The following ANK1 variants were observed in gnomAD, a reference collection of about 807,000 sequenced individuals.
ANK1 encodes ankyrin 1.
ANK1 carries 51 observed loss-of-function variants against 210.4 expected under a neutral mutation model. That is an observed-to-expected ratio of 0.24 (90% confidence interval 0.19 to 0.31). The LOEUF is 0.31. Among genes scored for constraint, ANK1 ranks in the 10% least tolerant of loss-of-function variants. ANK1 has a pLI of 1.00. For missense variants in ANK1, 2,051 were observed against 2,504.4 expected (o/e 0.82, Z 3.86); for synonymous variants, 967 against 1,025.9 (o/e 0.94, Z 1.10).
At chr8:41,761,165 G>A (rs375102107) in intron 1 of ANK1, among the ~76,000 whole-genome samples, 6 of 134,350 alleles carry the variant, frequency 4.5e-5, no homozygotes, top group Non-Finnish European at 9.7e-5. Context: ...ATATGTGTAT[G>A]CACACATGCA....
intron 1 of ANK1, among the ~76,000 whole-genome samples, chr8:41,843,916 C>T (rs1375070558): frequency 6.6e-6 from 1 of 152,202 alleles, no homozygotes; most frequent in Non-Finnish European, 1.5e-5. Flanking sequence ...GCTCTGTCAC[C>T]CAGGCTAAAG....
At chr8:41,660,687 G>A (rs938604224) in intron 42 of ANK1, among the ~76,000 whole-genome samples, 1 of 152,130 alleles carries the variant, frequency 6.6e-6, no homozygotes, top group African/African-American at 2.4e-5. Context: ...CCCAGGCCCC[G>A]GCCCCAACCC....
chr8:41,681,393 C>T (rs1313645125), intron 37 of ANK1, among the ~76,000 whole-genome samples: 3 of 152,218 alleles, frequency 2.0e-5, no homozygotes, highest in East Asian at 1.9e-4. Flanking sequence ...GGGCCTGGGC[C>T]GTCCTCTCCT....
In ANK1 at chr8:41,694,237, A is replaced by C. The variant is rs546447273; in HGVS notation, c.3328-135T>G. ...CCTGCTGTTGGACCACAGAACCGAC[A>C]CGGTGGAGCTTGCCTTCCTGAGCCC... is the stretch of plus-strand genomic sequence containing the variant. On this transcript the variant is annotated intron_variant, in intron 28 of 42. Coordinates refer to ENST00000289734, the MANE Select transcript of ANK1 (RefSeq NM_000037.4). This position sits in a 1 kb window ranked among gnomAD's most constrained non-coding sequence, Gnocchi z 5.7. 5.1e-5 allele frequency: 49 copies of C among 956,990 alleles called. No homozygotes were observed. The highest frequency in any genetic ancestry group is 7.0e-5 in the Non-Finnish European group (45 of 646,666). The allele number at this position is 956,990 out of a possible 1,614,324, so 59.3% of individuals were successfully genotyped here.
chr8:41,704,219 T>C lies in ANK1; in HGVS notation c.2197-80A>G. 1 of 1,406,580 alleles carries C rather than the reference T, an allele frequency of 7.1e-7. No homozygotes were observed. Among genetic ancestry groups the C allele is most frequent in the Non-Finnish European group, 1.0e-6 (1 of 993,254 alleles). The allele number at this position is 1,406,580 out of a possible 1,614,324, so 87.1% of individuals were successfully genotyped here. A position where few individuals can be genotyped will look rare whatever the true frequency, so the allele number is the denominator to read the frequency against. On this transcript the variant is annotated intron_variant, in intron 19 of 42. Coordinates refer to ENST00000289734, the MANE Select transcript of ANK1 (RefSeq NM_000037.4). The surrounding 1 kb of genome is among the most constrained non-coding windows in gnomAD (Gnocchi z 4.1). ...GCCTACACATGATAGTGCCTGCCCA[T>C]CTTCGAAGTGGGACATTAATGAAAT...
chr8:41,852,344 G>A (rs1013272197), intron 1 of ANK1, among the ~76,000 whole-genome samples: 3 of 152,226 alleles, frequency 2.0e-5, no homozygotes, highest in South Asian at 2.1e-4. Flanking sequence ...CATGCGGGCC[G>A]AAGCGGGGTG....
chr8:41,833,438 T>G (rs920337181), intron 1 of ANK1, among the ~76,000 whole-genome samples: 3 of 152,232 alleles, frequency 2.0e-5, no homozygotes, highest in Admixed American at 6.5e-5. Context: ...AGGAAAAATC[T>G]GTCCAGAATT....
chr8:41,831,836 G>A (rs1014417992), intron 1 of ANK1, among the ~76,000 whole-genome samples: 2 of 152,178 alleles, frequency 1.3e-5, no homozygotes, highest in African/African-American at 4.8e-5. Context: ...GCAGCACCTC[G>A]TACAGTGGAG....
Position 41,723,212 on chromosome 8 carries a change from T to G in ANK1, c.822A>C (p.Thr274=). 1 of 1,613,810 alleles carries G rather than the reference T, an allele frequency of 6.2e-7. No individual in the cohort carries two copies. The highest frequency in any genetic ancestry group is 8.5e-7 in the Non-Finnish European group (1 of 1,179,964). The change falls in exon 9 of 43, where the codon ACA becomes ACC. Residue 274 remains threonine (T), a synonymous_variant. Coordinates refer to ENST00000289734, the MANE Select transcript of ANK1 (RefSeq NM_000037.4). ...QIETKTKDEL[T]PLHCAARNGH... is the part of the protein sequence containing the mutation. The stretch of plus-strand genomic sequence containing the variant: ...CATTTCGAGCTGCACAGTGGAGAGG[T>G]GTCAATTCGTCCTTTAAAAGACAGA...
intron 22 of ANK1, chr8:41,700,316 T>A (rs967437456): frequency 4.2e-6 from 5 of 1,202,930 alleles, no homozygotes; most frequent in Non-Finnish European, 6.0e-6. Context: ...GGCTCCAGCT[T>A]ATTAGCTGTC....
rs145514087 is a variant in ANK1, at chr8:41,690,795, G to A, written c.3859-196C>T. Among the ~76,000 whole-genome samples, 576 of 152,326 alleles carry A rather than the reference G, an allele frequency of 3.8e-3. 3 individuals are homozygous for A. Among genetic ancestry groups the A allele is most frequent in the African/African-American group, 0.013 (552 of 41,556 alleles). The stretch of plus-strand genomic sequence containing the variant: ...TTGTGATCAATGAGGCATGCTTCCC[G>A]ACTTCAACAGATTTTGTAATATGTA... On this transcript the variant is annotated intron_variant, in intron 31 of 42. Coordinates refer to ENST00000289734, the MANE Select transcript of ANK1 (RefSeq NM_000037.4).
At position 41,715,637 on chromosome 8, in the gene ANK1, G is replaced by A; in HGVS notation, c.1602+15C>T. 6.2e-7 allele frequency: 1 copy of A among 1,612,456 alleles called. No homozygotes were observed. The highest frequency in any genetic ancestry group is 2.2e-5 in the East Asian group (1 of 44,884). On this transcript the variant is annotated intron_variant, in intron 14 of 42. Transcript: ENST00000289734. ...AGCCTGTTGCTTCCTTAGACCACGA[G>A]GCGGGAGGCTGTACCTTGGTCATGC...
rs543628266 is a variant in ANK1 at position 41,894,203 on chromosome 8, A to G, written c.126+2152T>C. On this transcript the variant is annotated intron_variant, in intron 1 of 42. Coordinates refer to the ANK1 transcript ENST00000265709. ...AGTCCTAAGAGTATGCGTCACTGCT[A>G]TCACTTTAAATGAAAATTTTCTTAT... Among the ~76,000 whole-genome samples, 104 of 152,232 alleles carry G rather than the reference A, an allele frequency of 6.8e-4. 1 individual carries two copies. The South Asian group carries it at 8.9e-3, about 13-fold the overall frequency.
chr8:41,759,098 T>C (rs1003373351), intron 1 of ANK1, among the ~76,000 whole-genome samples: 1 of 152,134 alleles, frequency 6.6e-6, no homozygotes, highest in African/African-American at 2.4e-5. Context: ...ACTTACTATG[T>C]GCTAAGAGCC....
In ANK1 at chr8:41,708,928, C is replaced by T. The variant is rs181914272; in HGVS notation, c.1848G>A (p.Glu616=). 1.5e-5 allele frequency: 24 copies of T among 1,614,078 alleles called. No homozygotes were observed. The East Asian group carries it at 4.9e-4, about 33-fold the overall frequency. ...LHIAAKQNQV[E]VARSLLQYGG... ...CATACTGCAGCAGACTACGGGCCAC[C>T]TCCACCTGGTTCTGCTTGGCAGCGA... Residue 616 remains glutamate (E), a synonymous_variant, in exon 17 of 43, where the codon GAG becomes GAA. Transcript: ENST00000289734.
chr8:41,718,508 C>T (rs1285847508), intron 10 of ANK1, among the ~76,000 whole-genome samples: 1 of 152,024 alleles, frequency 6.6e-6, no homozygotes, highest in African/African-American at 2.4e-5. Flanking sequence ...CATTTAAAGC[C>T]CCCTAAGGGT....
In ANK1 at chr8:41,786,006, A is replaced by T. The variant is rs145115849; in HGVS notation, c.27+11506T>A. 1.1e-3 allele frequency among the ~76,000 whole-genome samples: 169 copies of T among 152,180 alleles called. 1 individual carries two copies. The highest frequency in any genetic ancestry group is 3.9e-3 in the African/African-American group (161 of 41,530). On this transcript the variant is annotated intron_variant, in intron 1 of 42. Transcript: ENST00000289734. ...TACTCTGGAGTGCCCCTTACAGCCA[A>T]CTTAAAGGCACCTCCCTGCAGATCG... is the stretch of plus-strand genomic sequence containing the variant.
At chr8:41,736,793 C>A (rs1027669419) in intron 2 of ANK1, among the ~76,000 whole-genome samples, 3 of 152,196 alleles carry the variant, frequency 2.0e-5, no homozygotes, top group African/African-American at 7.2e-5. Context: ...CGGAGGGATT[C>A]TAGATATACT....
At position 41,703,450 on chromosome 8, in the gene ANK1, A is replaced by ATATATAT. The variant is rs59985416; in HGVS notation, c.2295+590_2295+591insATATATA. Among the ~76,000 whole-genome samples, 516 of 58,802 alleles carry ATATATAT rather than the reference A, an allele frequency of 8.8e-3. 4 individuals are homozygous for ATATATAT. The highest frequency in any genetic ancestry group is 0.013 in the South Asian group (20 of 1,574). 38.6% of individuals were successfully genotyped at this position (58,802 alleles called of 152,430 possible). A position where few individuals can be genotyped will look rare whatever the true frequency, so the allele number is the denominator to read the frequency against. On this transcript the variant is annotated intron_variant, in intron 20 of 42. Coordinates refer to ENST00000289734, the MANE Select transcript of ANK1 (RefSeq NM_000037.4). Reference sequence around the variant, plus strand: ...TATATATATATATATATATATATATATTTTTTTTTTTTTTTTAAGACACAA... The same window carrying ATATATAT: ...TATATATATATATATATATATATATATATATATTTTTTTTTTTTTTTTTAAGACACAA...
Sources: allele counts gnomAD v4.1 joint callset (sites outside exome capture counted in the v4.1 genomes callset), GRCh38; gene constraint gnomAD v4.1.1; non-coding constraint Gnocchi (gnomAD v3.1); transcripts MANE v1.5; gene names NCBI Gene and HGNC (gene_info 2026-07-23, HGNC 2026-07-21).